Variants in MPPED1 observed in about 807,000 individuals in gnomAD.
MPPED1 encodes metallophosphoesterase domain-containing protein 1.
A neutral mutation model predicts 36.2 loss-of-function variants in MPPED1; 16 were observed. The ratio of observed to expected loss-of-function variants is 0.44; its 90% CI spans 0.30 to 0.67. MPPED1 has a LOEUF of 0.67. Ranked by LOEUF, MPPED1 falls within the 30% of genes least tolerant of loss-of-function variation. MPPED1 has a pLI of 0.10. For synonymous variants in MPPED1, 199 were observed against 191.3 expected (o/e 1.04, Z -0.33); for missense variants, 307 against 453.4 (o/e 0.68, Z 2.93).
intron 1 of MPPED1, among the ~76,000 whole-genome samples, chr22:43,412,516 C>T (rs1276219134): frequency 1.3e-5 from 2 of 152,130 alleles, no homozygotes; most frequent in Non-Finnish European, 2.9e-5. Flanking sequence ...CAATAGCAGC[C>T]CCCGCTTGTA....
intron 4 of MPPED1, among the ~76,000 whole-genome samples, 179 bp from the exon 5 acceptor site, chr22:43,498,056 G>C (rs1932489139): frequency 6.6e-6 from 1 of 151,354 alleles, no homozygotes; most frequent in Admixed American, 6.6e-5. Flanking sequence ...GGGACCCACA[G>C]ACCGCCAGTG....
intron 3 of MPPED1, among the ~76,000 whole-genome samples, chr22:43,463,804 TTCTTTTCTTTC>T (rs1381177223): frequency 1.3e-4 from 19 of 148,418 alleles, no homozygotes; most frequent in African/African-American, 3.5e-4. Flanking sequence ...TTTTCATTTT[TTCTTTTCTTTC>T]TTTCTTTCTT....
rs946192599 is a variant in MPPED1, at chr22:43,428,558, C to T, written c.224+3349C>T. On this transcript the variant is annotated intron_variant, in intron 2 of 6. Transcript: ENST00000443721. ...AGCGGTGGGGGGATGGCTGCCACTT[C>T]CCGACATGTGATTTGTTGCCACCCT... 2.6e-5 allele frequency among the ~76,000 whole-genome samples: 4 copies of T among 152,162 alleles called. No individual in the cohort carries two copies. The East Asian group carries it at 7.7e-4, about 29-fold the overall frequency.
intron 4 of MPPED1, among the ~76,000 whole-genome samples, chr22:43,488,657 A>T (rs1005382270): frequency 6.6e-6 from 1 of 152,056 alleles, no homozygotes; most frequent in Non-Finnish European, 1.5e-5. Flanking sequence ...GGGTTTGTTC[A>T]CATTCTAATT....
Position 43,474,476 on chromosome 22 carries a change from C to T in MPPED1, c.407-260C>T, listed in dbSNP as rs190633506. ...GTACCCCTGTCAGCGATTCCAGCAG[C>T]TTCCTCCTGCCCGCCCCTCTCTCAG... On this transcript the variant is annotated intron_variant, in intron 3 of 6. Coordinates refer to ENST00000443721, the MANE Select transcript of MPPED1 (RefSeq NM_001044370.2). This position sits in a 1 kb window ranked among gnomAD's most constrained non-coding sequence, Gnocchi z 5.2. Among the ~76,000 whole-genome samples, 1 of 152,372 alleles carries T rather than the reference C, an allele frequency of 6.6e-6. No individual in the cohort carries two copies. Among genetic ancestry groups the T allele is most frequent in the Admixed American group, 6.5e-5 (1 of 15,314 alleles).
intron 3 of MPPED1, among the ~76,000 whole-genome samples, chr22:43,441,919 C>T (rs1314554350): frequency 1.3e-5 from 2 of 152,132 alleles, no homozygotes; most frequent in African/African-American, 4.8e-5. Context: ...AATCCCAGGG[C>T]GCCTGCCGGC....
intron 1 of MPPED1, among the ~76,000 whole-genome samples, chr22:43,412,739 G>C (rs4822287): frequency 0.3 from 45,350 of 151,660 alleles, 7,867 homozygotes; most frequent in Non-Finnish European, 0.39. Context: ...TCTGCTATGT[G>C]CTCGGCCAGG....
chr22:43,420,006 G>C (rs1232700470), intron 1 of MPPED1, among the ~76,000 whole-genome samples: 1 of 152,138 alleles, frequency 6.6e-6, no homozygotes, highest in Non-Finnish European at 1.5e-5. Flanking sequence ...TAGAACCAGA[G>C]GGAATTTTTC....
At chr22:43,427,607 C>T (rs1270281595) in intron 2 of MPPED1, among the ~76,000 whole-genome samples, 1 of 152,128 alleles carries the variant, frequency 6.6e-6, no homozygotes, top group Admixed American at 6.5e-5. Context: ...AACCCAGGGC[C>T]ATTCATTCAT....
At chr22:43,455,201 T>A (rs1012355120) in intron 3 of MPPED1, among the ~76,000 whole-genome samples, 6 of 144,882 alleles carry the variant, frequency 4.1e-5, no homozygotes, top group African/African-American at 1.6e-4. Context: ...CCTCTGTCCC[T>A]GGGATTCAAG....
chr22:43,506,433 G>C lies in MPPED1; in HGVS notation c.*817G>C, dbSNP rs1440117011. On this transcript the variant is annotated 3_prime_UTR_variant, in exon 7 of 7. Coordinates refer to ENST00000443721, the MANE Select transcript of MPPED1 (RefSeq NM_001044370.2). The stretch of plus-strand genomic sequence containing the variant: ...CCTGGATGGAGGGTCTGCAGGCTTA[G>C]GCTGCAGCAGGCCTGCCATGGGTGT... 1 of 152,330 alleles carries C rather than the reference G, an allele frequency of 6.6e-6. No homozygotes were observed. The highest frequency in any genetic ancestry group is 2.4e-5 in the African/African-American group (1 of 41,456). 9.4% of individuals were successfully genotyped at this position (152,330 alleles called of 1,614,324 possible). A position where few individuals can be genotyped will look rare whatever the true frequency, so the allele number is the denominator to read the frequency against.
chr22:43,487,603 G>A lies in MPPED1; in HGVS notation c.633-10632G>A, dbSNP rs149439772. On this transcript the variant is annotated intron_variant, in intron 4 of 6. Coordinates refer to ENST00000443721, the MANE Select transcript of MPPED1 (RefSeq NM_001044370.2). ...CAGGCCTCTTCCCCTCTGTCCAGTC[G>A]GGGTTAAGAGGGGAACTGGCAAGGG... Among the ~76,000 whole-genome samples the A allele has an allele frequency of 1.0e-3, 153 of 152,296 alleles. No homozygotes were observed. The East Asian group carries it at 0.017, about 17-fold the overall frequency.
chr22:43,495,524 G>A (rs1377163974), intron 4 of MPPED1, among the ~76,000 whole-genome samples: 25 of 120,688 alleles, frequency 2.1e-4, no homozygotes, highest in Non-Finnish European at 2.9e-4. Context: ...GGTGGTGGAG[G>A]TGGTGGTGGT....
At chr22:43,416,527 C>T (rs1929080267) in intron 1 of MPPED1, 1 of 152,184 alleles carries the variant, frequency 6.6e-6, no homozygotes, top group Admixed American at 6.5e-5. Context: ...TGTGCTAAAC[C>T]CCCATTCCTG....
At chr22:43,413,046 C>T (rs1431599841) in intron 1 of MPPED1, among the ~76,000 whole-genome samples, 2 of 152,186 alleles carry the variant, frequency 1.3e-5, no homozygotes, top group Non-Finnish European at 2.9e-5. Context: ...GGCTCCACTC[C>T]GGAACTGGCC....
chr22:43,425,241 C>T (rs748985407), intron 2 of MPPED1, 32 bp downstream of exon 2: 17 of 503,038 alleles, frequency 3.4e-5, no homozygotes, highest in East Asian at 5.0e-5. Context: ...GGGGTGGGGG[C>T]GGTGACGGCC....
Position 43,488,096 on chromosome 22 carries a change from G to A in MPPED1, c.633-10139G>A, listed in dbSNP as rs564512808. 1.1e-4 allele frequency among the ~76,000 whole-genome samples: 17 copies of A among 152,234 alleles called. No individual in the cohort carries two copies. The Middle Eastern group carries it at 0.014, about 122-fold the overall frequency. ...TGGTGGCAGCTGCCTCTCTTGGGGG[G>A]GTGTGAGGATTGAGTCTGGCTGTTC... On this transcript the variant is annotated intron_variant, in intron 4 of 6. Coordinates refer to ENST00000443721, the MANE Select transcript of MPPED1 (RefSeq NM_001044370.2).
intron 2 of MPPED1, among the ~76,000 whole-genome samples, chr22:43,430,244 C>T (rs1254362413): frequency 1.3e-5 from 2 of 152,216 alleles, no homozygotes; most frequent in Non-Finnish European, 2.9e-5. Context: ...CTTCTGATGC[C>T]TCTCTGGGCT....
intron 6 of MPPED1, among the ~76,000 whole-genome samples, chr22:43,504,918 T>C (rs752062803): frequency 4.0e-5 from 6 of 151,126 alleles, no homozygotes; most frequent in Non-Finnish European, 2.9e-5. Context: ...ATGGTGATAG[T>C]GATGATGATG....
Sources: allele counts gnomAD v4.1 joint callset (sites outside exome capture counted in the v4.1 genomes callset), GRCh38; gene constraint gnomAD v4.1.1; non-coding constraint Gnocchi (gnomAD v3.1); transcripts MANE v1.5; gene names NCBI Gene and HGNC (gene_info 2026-07-23, HGNC 2026-07-21).